The following PCDHA5 variants were observed in gnomAD, a reference collection of about 807,000 sequenced individuals.
PCDHA5 encodes the protein protocadherin alpha 5, also known as protocadherin alpha-5.
A neutral mutation model predicts 61.6 loss-of-function variants in PCDHA5; 43 were observed. That is an observed-to-expected ratio of 0.70 (90% confidence interval 0.55 to 0.90). The LOEUF is 0.90. PCDHA5 is among the 40% of genes least tolerant of loss of function. PCDHA5 has a pLI of 0.00. For synonymous variants in PCDHA5, 627 were observed against 543.9 expected, an observed-to-expected ratio of 1.15 and a Z score of -2.13; for missense variants, 1,298 against 1,222.7, an observed-to-expected ratio of 1.06 and a Z score of -0.92.
intron 3 of PCDHA5, among the ~76,000 whole-genome samples, chr5:141,003,433 T>G (rs1479468480): frequency 2.0e-5 from 3 of 152,112 alleles, no homozygotes; most frequent in African/African-American, 7.2e-5. Flanking sequence ...TGCCTCAGCC[T>G]CCCAAGTAGA....
intron 1 of PCDHA5, among the ~76,000 whole-genome samples, chr5:140,946,992 A>G (rs1393633852): frequency 6.6e-6 from 1 of 151,790 alleles, no homozygotes; most frequent in Non-Finnish European, 1.5e-5. Context: ...TGAGTGTTCT[A>G]ACTTCAAAGA....
At chr5:140,907,144 G>A (rs1006725502) in intron 1 of PCDHA5, among the ~76,000 whole-genome samples, 17 of 152,104 alleles carry the variant, frequency 1.1e-4, no homozygotes, top group Non-Finnish European at 2.4e-4. Flanking sequence ...CCGGCTATGG[G>A]AGAAACAGTA....
At chr5:140,956,454 A>G (rs1276644004) in intron 1 of PCDHA5, among the ~76,000 whole-genome samples, 1 of 152,212 alleles carries the variant, frequency 6.6e-6, no homozygotes, top group African/African-American at 2.4e-5. Flanking sequence ...AATTACATTT[A>G]TTGATTTGCA....
intron 1 of PCDHA5, chr5:140,862,937 A>G: frequency 1.8e-6 from 1 of 544,138 alleles, no homozygotes; most frequent in Non-Finnish European, 3.6e-6. Flanking sequence ...CGGCGCTGTG[A>G]GTGAGCTGGT....
At chr5:140,969,592 A>G (rs547411191) in intron 1 of PCDHA5, 72 of 829,536 alleles carry the variant, frequency 8.7e-5, no homozygotes, top group Middle Eastern at 3.7e-4. Context: ...TAGTCTTAAT[A>G]TTTAATGCTA....
chr5:140,875,553 G>A (rs1447542979), intron 1 of PCDHA5: 4 of 1,614,000 alleles, frequency 2.5e-6, no homozygotes, highest in African/African-American at 2.7e-5. Flanking sequence ...GGGAGGTGGG[G>A]AGCGGCCAGC....
At chr5:140,917,301 G>T (rs2078005324) in intron 1 of PCDHA5, among the ~76,000 whole-genome samples, 1 of 138,576 alleles carries the variant, frequency 7.2e-6, no homozygotes, top group Non-Finnish European at 1.5e-5. Flanking sequence ...GCAGATAGTT[G>T]TTACAATTTG....
intron 2 of PCDHA5, 72 bp downstream of exon 2, chr5:140,979,079 T>C (rs1019875909): frequency 9.5e-6 from 15 of 1,584,162 alleles, no homozygotes; most frequent in African/African-American, 6.8e-5. Flanking sequence ...TGCATCTCCA[T>C]AGGCCAGAAG....
chr5:140,851,635 T>C (rs2042114429), intron 1 of PCDHA5: 8 of 917,242 alleles, frequency 8.7e-6, no homozygotes, highest in Non-Finnish European at 1.1e-5. Flanking sequence ...AACAAGTGTT[T>C]CCTTTCTTCA....
At position 140,870,679 on chromosome 5, in the gene PCDHA5, G is replaced by C. The variant is rs202117527; in HGVS notation, c.2352+46552G>C. ...CGCGCTGCAGCCGTTGGACCACGAG[G>C]AGCTGGAGCTGCTACAGTTCCAGGT... On this transcript the variant is annotated intron_variant, in intron 1 of 3. Coordinates refer to ENST00000529859, the MANE Select transcript of PCDHA5 (RefSeq NM_018908.3). 1.0e-4 allele frequency: 164 copies of C among 1,612,742 alleles called. No individual in the cohort carries two copies. The African/African-American group carries it at 1.9e-3, about 19-fold the overall frequency.
At chr5:140,981,041 A>C (rs72802989) in intron 2 of PCDHA5, among the ~76,000 whole-genome samples, 7,382 of 152,278 alleles carry the variant, frequency 0.048, 205 homozygotes, top group Non-Finnish European at 0.065. Context: ...GGGAAAAAAA[A>C]CAGATAATTC....
intron 1 of PCDHA5, chr5:140,855,842 A>G (rs1384044109): frequency 2.0e-5 from 13 of 639,106 alleles, no homozygotes; most frequent in Non-Finnish European, 3.4e-5. Flanking sequence ...ACTTACACCT[A>G]AAGCCACCGG....
chr5:140,884,556 GC>G, intron 1 of PCDHA5: 2 of 1,614,154 alleles, frequency 1.2e-6, no homozygotes, highest in Non-Finnish European at 1.7e-6. Flanking sequence ...TCTGGGGAGG[GC>G]CCGCATAAGA....
Position 140,986,801 on chromosome 5 carries a change from T to C in PCDHA5, c.2500+4238T>C, listed in dbSNP as rs1381514203. ...CGGAAGCCACTAAGGCAGTGAGTCT[T>C]AGTTAGAGAACTTTGGTTTAGACAA... On this transcript the variant is annotated intron_variant, in intron 3 of 3. Coordinates refer to ENST00000529859, the MANE Select transcript of PCDHA5 (RefSeq NM_018908.3). 2.0e-5 allele frequency among the ~76,000 whole-genome samples: 3 copies of C among 152,144 alleles called. No homozygotes were observed. The East Asian group carries it at 5.8e-4, about 29-fold the overall frequency.
chr5:140,869,434 G>A, intron 1 of PCDHA5: 1 of 1,614,218 alleles, frequency 6.2e-7, no homozygotes, highest in Non-Finnish European at 8.5e-7. Flanking sequence ...GGTGATCGTG[G>A]ACAGGCCGCT....
At chr5:140,967,909 C>A in intron 1 of PCDHA5, 1 of 1,614,206 alleles carries the variant, frequency 6.2e-7, no homozygotes, top group Non-Finnish European at 8.5e-7. Flanking sequence ...CTACACCCAA[C>A]ACCATTGTGG....
intron 1 of PCDHA5, among the ~76,000 whole-genome samples, chr5:140,962,009 G>C (rs545144318): frequency 1.3e-4 from 19 of 151,596 alleles, no homozygotes; most frequent in African/African-American, 3.6e-4. Flanking sequence ...TCAGCTTCCC[G>C]AGTAGCTGGG....
intron 1 of PCDHA5, among the ~76,000 whole-genome samples, chr5:140,832,930 G>T (rs537948111): frequency 6.6e-6 from 1 of 152,150 alleles, no homozygotes; most frequent in Non-Finnish European, 1.5e-5. Context: ...GTATTCATGA[G>T]AAGAGAGTAA....
chr5:140,967,272 TAG>T, intron 1 of PCDHA5: 1 of 1,613,412 alleles, frequency 6.2e-7, no homozygotes, highest in Non-Finnish European at 8.5e-7. Flanking sequence ...CGCTTTCACA[TAG>T]AGAGTGCGCA....
Sources: allele counts gnomAD v4.1 joint callset (sites outside exome capture counted in the v4.1 genomes callset), GRCh38; gene constraint gnomAD v4.1.1; transcripts MANE v1.5; gene names NCBI Gene and HGNC (gene_info 2026-07-23, HGNC 2026-07-21).